The following NNT variants were observed in gnomAD, a reference collection of about 807,000 sequenced individuals.
NNT encodes the protein NAD(P) transhydrogenase, mitochondrial.
NNT carries 50 observed loss-of-function variants against 104.8 expected under a neutral mutation model. That is an observed-to-expected ratio of 0.48 (90% confidence interval 0.38 to 0.60). The LOEUF (loss-of-function observed/expected upper bound fraction) is 0.60. Ranked by LOEUF, NNT falls within the 20% of genes least tolerant of loss-of-function variation. The probability of loss-of-function intolerance (pLI) is 0.00; values close to 1 mark genes in which losing one functional copy is unlikely to be tolerated. For synonymous variants in NNT, 461 were observed against 490.4 expected (o/e 0.94, Z 0.79); for missense variants, 1,131 against 1,330.7 (o/e 0.85, Z 2.33).
upstream of NNT, chr5:43,602,930 C>T: frequency 6.5e-6 from 1 of 152,978 alleles, no homozygotes; most frequent in Non-Finnish European, 1.5e-5. Context: ...AGCGCGGAGG[C>T]TGGGCTGGGG....
At chr5:43,693,715 A>C (rs1171040076) in intron 19 of NNT, among the ~76,000 whole-genome samples, 2 of 152,234 alleles carry the variant, frequency 1.3e-5, no homozygotes, top group Admixed American at 1.3e-4. Flanking sequence ...ATTAAAAAAA[A>C]ATTAACTTAA....
At chr5:43,694,920 A>G (rs778492625) in intron 19 of NNT, among the ~76,000 whole-genome samples, 1 of 152,120 alleles carries the variant, frequency 6.6e-6, no homozygotes, top group Non-Finnish European at 1.5e-5. Flanking sequence ...TTGAGCTGTC[A>G]ATTCATCAGG....
At chr5:43,679,668 A>T (rs1389093962) in intron 19 of NNT, among the ~76,000 whole-genome samples, 2 of 152,218 alleles carry the variant, frequency 1.3e-5, no homozygotes, top group Non-Finnish European at 2.9e-5. Flanking sequence ...CATGATATAA[A>T]CTACTGTTGT....
intron 14 of NNT, chr5:43,653,580 GA>G (rs201486689): frequency 0.062 from 5,371 of 86,908 alleles, 107 homozygotes; most frequent in East Asian, 0.2. Context: ...TGTTAAAAAT[GA>G]AAAAAAAAAA....
At chr5:43,676,435 G>A (rs1741418589) in intron 18 of NNT, among the ~76,000 whole-genome samples, 1 of 152,212 alleles carries the variant, frequency 6.6e-6, no homozygotes, top group East Asian at 1.9e-4. Context: ...GGAGACATTA[G>A]CTGAATTGAG....
At chr5:43,612,788 C>A in intron 2 of NNT, 120 bp from the exon 3 acceptor site, 1 of 653,942 alleles carries the variant, frequency 1.5e-6, no homozygotes, top group Non-Finnish European at 2.7e-6. Context: ...CAGCAGCTTG[C>A]ATGTGTGGTA....
chr5:43,669,105 G>A (rs1009239874), intron 17 of NNT, among the ~76,000 whole-genome samples: 4 of 152,190 alleles, frequency 2.6e-5, no homozygotes, highest in Admixed American at 1.3e-4. Flanking sequence ...GTATAAGACT[G>A]CTTGTGATTT....
intron 2 of NNT, among the ~76,000 whole-genome samples, chr5:43,611,627 T>A (rs1749504238): frequency 6.6e-6 from 1 of 152,220 alleles, no homozygotes; most frequent in Admixed American, 6.5e-5. Flanking sequence ...ATATAGGTAG[T>A]GTGGAATCTA....
At chr5:43,661,942 G>T (rs1740391276) in intron 17 of NNT, among the ~76,000 whole-genome samples, 1 of 152,122 alleles carries the variant, frequency 6.6e-6, no homozygotes, top group Non-Finnish European at 1.5e-5. Flanking sequence ...TGGGATGGCT[G>T]GGTCAAATGG....
At position 43,706,318 on chromosome 5, in the gene NNT, A is replaced by T. The variant is rs1743092499; in HGVS notation, c.*1914A>T. 6.6e-6 allele frequency: 1 copy of T among 151,862 alleles called. No homozygotes were observed. The highest frequency in any genetic ancestry group is 6.6e-5 in the Admixed American group (1 of 15,252). 9.4% of individuals were successfully genotyped at this position (151,862 alleles called of 1,614,324 possible). A position where few individuals can be genotyped will look rare whatever the true frequency, so the allele number is the denominator to read the frequency against. On this transcript the variant is annotated 3_prime_UTR_variant, in exon 22 of 22. Coordinates refer to ENST00000344920, the MANE Select transcript of NNT (RefSeq NM_182977.3). ...TCTAAAAACAACAAAAATGATTTTTATACATTCTATTTCATTATTCCTCTT... is the reference window on the plus strand; with the variant it reads ...TCTAAAAACAACAAAAATGATTTTTTTACATTCTATTTCATTATTCCTCTT...
chr5:43,635,456 T>C (rs1750883486), intron 7 of NNT, among the ~76,000 whole-genome samples: 1 of 152,188 alleles, frequency 6.6e-6, no homozygotes, highest in Non-Finnish European at 1.5e-5. Flanking sequence ...GACTTAGTCA[T>C]GTGGCCAAAC....
intron 4 of NNT, 48 bp from the exon 5 acceptor site, chr5:43,618,984 C>G (rs548437642): frequency 1.8e-6 from 2 of 1,135,204 alleles, no homozygotes; most frequent in East Asian, 5.6e-5. Flanking sequence ...AGTCTGAGAT[C>G]TCTCCTTTTA....
chr5:43,693,100 C>A (rs895227297), intron 19 of NNT, among the ~76,000 whole-genome samples: 2 of 151,268 alleles, frequency 1.3e-5, no homozygotes, highest in African/African-American at 4.9e-5. Context: ...GTCCCTGAAC[C>A]TGAGGGATTA....
At chr5:43,645,534 T>G in intron 10 of NNT, 24 bp downstream of exon 10, 1 of 1,439,742 alleles carries the variant, frequency 6.9e-7, no homozygotes, top group East Asian at 2.6e-5. Flanking sequence ...TTACCAGGGT[T>G]TAGTCTTGAT....
At chr5:43,695,884 T>C (rs1012191182) in intron 19 of NNT, among the ~76,000 whole-genome samples, 3 of 152,160 alleles carry the variant, frequency 2.0e-5, no homozygotes, top group Admixed American at 6.5e-5. Context: ...ATGAGACTTA[T>C]GAGAACAGCA....
At chr5:43,696,015 C>T (rs1742539449) in intron 19 of NNT, among the ~76,000 whole-genome samples, 1 of 152,086 alleles carries the variant, frequency 6.6e-6, no homozygotes. Context: ...ACCTCTGGCC[C>T]CTCCCAAATC....
intron 17 of NNT, among the ~76,000 whole-genome samples, chr5:43,660,398 T>C (rs762342371): frequency 2.6e-5 from 4 of 152,218 alleles, no homozygotes; most frequent in Non-Finnish European, 4.4e-5. Context: ...CAAGAAGATG[T>C]TCTGCAAATA....
rs377018156 is a variant in NNT at position 43,644,244 on chromosome 5, A to C, written c.1017A>C (p.Glu339Asp). 3 of 1,612,948 alleles carry C rather than the reference A, an allele frequency of 1.9e-6. No homozygotes were observed. The African/African-American group carries it at 4.0e-5, about 22-fold the overall frequency. ...AAGAAATGATTGAGTCAATGAAGGA[A>C]GGTTCAGTTGTTGTGGATTTAGCTG... The part of the protein sequence containing the change: ...FNKEMIESMK[E>D]GSVVVDLAAE... The change falls in exon 8 of 22, where the codon GAA (glutamate) becomes GAC (aspartate). Residue 339 changes from glutamate (E) to aspartate (D), a missense_variant. Physicochemically the swap from Glu to Asp is conservative, Grantham distance 45. Coordinates refer to ENST00000344920, the MANE Select transcript of NNT (RefSeq NM_182977.3).
intron 5 of NNT, 86 bp from the exon 6 acceptor site, chr5:43,623,946 A>C: frequency 8.0e-7 from 1 of 1,250,310 alleles, no homozygotes; most frequent in Non-Finnish European, 1.2e-6. Context: ...TGCTAAACTT[A>C]TACTAGGCAC....
Sources: allele counts gnomAD v4.1 joint callset (sites outside exome capture counted in the v4.1 genomes callset), GRCh38; gene constraint gnomAD v4.1.1; transcripts MANE v1.5; gene names NCBI Gene and HGNC (gene_info 2026-07-23, HGNC 2026-07-21).